Variants in MYH11 observed in about 807,000 individuals in gnomAD.
The protein encoded by MYH11 is myosin heavy chain 11.
Under a neutral mutation model 246.6 loss-of-function variants are expected in MYH11, and 80 were observed. The ratio of observed to expected loss-of-function variants is 0.32; its 90% CI spans 0.27 to 0.39. The LOEUF is 0.39. MYH11 is among the 10% of genes least tolerant of loss of function. The pLI is 1.00. For missense variants in MYH11, 2,158 were observed against 2,546.8 expected (o/e 0.85, Z 3.29); for synonymous variants, 1,071 against 1,015.5 (o/e 1.05, Z -1.04).
At chr16:15,781,152 C>T (rs554370877) in intron 6 of MYH11, among the ~76,000 whole-genome samples, 5 of 152,326 alleles carry the variant, frequency 3.3e-5, no homozygotes, top group South Asian at 2.1e-4. Flanking sequence ...GTGATCTGCC[C>T]GCCTCAGTCT....
At chr16:15,725,065 CA>C (rs1329422510) in intron 28 of MYH11, 73 bp from the exon 29 acceptor site, 7 of 1,255,846 alleles carry the variant, frequency 5.6e-6, no homozygotes, top group South Asian at 4.9e-5. Flanking sequence ...CCTTTTTACT[CA>C]AAACACATGG....
At chr16:15,820,030 G>A (rs1489382175) in intron 3 of MYH11, among the ~76,000 whole-genome samples, 1 of 152,092 alleles carries the variant, frequency 6.6e-6, no homozygotes, top group Non-Finnish European at 1.5e-5. Context: ...CAAAGTCAGT[G>A]GCCTTGGAAA....
chr16:15,740,097 T>C lies in MYH11; in HGVS notation c.2951A>G (p.Glu984Gly), dbSNP rs1474460863. ...VTAEAKIKKLEDEILVMDDQN... is the reference protein window; with the variant it reads ...VTAEAKIKKLGDEILVMDDQN... Reference sequence around the variant, plus strand: ...ATCATCCATGACCAGGATCTCATCCTCCAGTTTCTTGATCTTGGCCTCAGC... The same window carrying C: ...ATCATCCATGACCAGGATCTCATCCCCCAGTTTCTTGATCTTGGCCTCAGC... Residue 984 changes from glutamate to glycine, a missense_variant, in exon 23 of 41, where the codon GAG (glutamate) becomes GGG (glycine). Around this residue, in one of 11 missense-constraint regions of MYH11, gnomAD observed 284 missense variants for 315.4 expected, o/e 0.90. Coordinates refer to ENST00000300036, the MANE Select transcript of MYH11 (RefSeq NM_002474.3). The C allele has an allele frequency of 6.2e-7, 1 of 1,614,138 alleles. No homozygotes were observed. The highest frequency in any genetic ancestry group is 1.3e-5 in the African/African-American group (1 of 74,950).
intron 8 of MYH11, among the ~76,000 whole-genome samples, chr16:15,775,128 C>T (rs1392356107): frequency 6.6e-6 from 1 of 152,070 alleles, no homozygotes. Context: ...TGATCCATTC[C>T]TTTTTTAAGC....
At position 15,737,856 on chromosome 16, in the gene MYH11, A is replaced by T. The variant is rs1017628478; in HGVS notation, c.3122-236T>A. 8.5e-5 allele frequency among the ~76,000 whole-genome samples: 13 copies of T among 152,150 alleles called. No homozygotes were observed. In the South Asian group the frequency reaches 1.7e-3, roughly 19 times the overall value. On this transcript the variant is annotated intron_variant, in intron 24 of 40. Transcript: ENST00000300036. ...TGCCCAGGCTGGAGTGCAGTGGCGC[A>T]ATCTCAGCTCACTGCAACCTCCGCC... is the stretch of plus-strand genomic sequence containing the variant.
chr16:15,798,666 A>G lies in MYH11; in HGVS notation c.524T>C (p.Leu175Pro). The change falls in exon 4 of 41, where the codon CTA becomes CCA. Residue 175 changes from leucine (L) to proline (P), a missense_variant. Transcript: ENST00000300036. ...AAAAAGCAGTTCCACTTACGTGCAT[A>G]GAATGGACTGGTCCTCCCGATCTGC... is the stretch of plus-strand genomic sequence containing the variant. ...MLQDREDQSI[L>P]CTGESGAGKT... is the part of the protein sequence containing the mutation. The G allele has an allele frequency of 1.2e-6, 2 of 1,611,242 alleles. No individual in the cohort carries two copies. The highest frequency in any genetic ancestry group is 1.7e-6 in the Non-Finnish European group (2 of 1,179,402).
intron 3 of MYH11, among the ~76,000 whole-genome samples, chr16:15,809,284 C>G (rs149850306): frequency 4.9e-4 from 74 of 152,242 alleles, no homozygotes; most frequent in African/African-American, 1.7e-3. Flanking sequence ...GTAATTCCAG[C>G]ACTTTGGGAG....
intron 40 of MYH11, chr16:15,714,546 G>A: frequency 2.5e-6 from 1 of 402,354 alleles, no homozygotes; most frequent in Non-Finnish European, 4.6e-6. Context: ...AGGAGGTGAA[G>A]TGGCGGGGGG....
chr16:15,768,693 C>A (rs2384935), intron 9 of MYH11, among the ~76,000 whole-genome samples: 114,103 of 152,150 alleles, frequency 0.75, 43,291 homozygotes, highest in East Asian at 0.98. Flanking sequence ...TCTTCAGTGA[C>A]AAATCATCTT....
chr16:15,763,741 T>TCGCCCC, intron 10 of MYH11, 55 bp downstream of exon 10: 5 of 646,860 alleles, frequency 7.7e-6, no homozygotes, highest in African/African-American at 2.1e-5. Context: ...AAATGTCACC[T>TCGCCCC]CCCCCACCCC....
intron 28 of MYH11, chr16:15,726,410 G>C: frequency 6.1e-6 from 1 of 163,182 alleles, no homozygotes; most frequent in Non-Finnish European, 1.3e-5. Flanking sequence ...TGCCCTTTTA[G>C]CCCAGGCTGG....
At chr16:15,846,219 TA>T (rs2044186511) in intron 1 of MYH11, among the ~76,000 whole-genome samples, 1 of 152,096 alleles carries the variant, frequency 6.6e-6, no homozygotes, top group African/African-American at 2.4e-5. Flanking sequence ...ATCAATCCTG[TA>T]AGGCACCTGG....
At chr16:15,782,295 C>T (rs1445571703) in intron 6 of MYH11, 90 bp downstream of exon 6, 1 of 1,122,662 alleles carries the variant, frequency 8.9e-7, no homozygotes, top group African/African-American at 1.5e-5. Context: ...TCAGATGCCC[C>T]TCCCACCTCT....
rs60398959 is a variant in MYH11, at chr16:15,798,704, G to A, written c.503-17C>T. 1 of 1,607,666 alleles carries A rather than the reference G, an allele frequency of 6.2e-7. No individual in the cohort carries two copies. The highest frequency in any genetic ancestry group is 1.4e-5 in the African/African-American group (1 of 71,040). On this transcript the variant is annotated splice_polypyrimidine_tract_variant and intron_variant, in intron 3 of 40. Coordinates refer to ENST00000300036, the MANE Select transcript of MYH11 (RefSeq NM_002474.3). The stretch of plus-strand genomic sequence containing the variant: ...CCTCCCGATCTGCAAACAGAAAGAA[G>A]AAAAAAGAGCCATGAATTAAAATGA...
At chr16:15,724,137 T>C (rs755202817) in intron 31 of MYH11, 24 bp downstream of exon 31, 10 of 1,611,844 alleles carry the variant, frequency 6.2e-6, no homozygotes, top group African/African-American at 1.3e-5. Flanking sequence ...ATGGCCAGAG[T>C]GGGGGACACC....
In MYH11 at chr16:15,788,095, T is replaced by TTTTTTTA. The variant is rs11273419; in HGVS notation, c.531-1364_531-1363insTAAAAAA. 1.5e-3 allele frequency among the ~76,000 whole-genome samples: 151 copies of TTTTTTTA among 99,496 alleles called. 22 individuals are homozygous for TTTTTTTA. Among genetic ancestry groups the TTTTTTTA allele is most frequent in the Non-Finnish European group, 2.1e-3 (101 of 47,304 alleles). The allele number at this position is 99,496 out of a possible 152,430, so 65.3% of individuals were successfully genotyped here. ...GGTAGATCTTTTTTTTTTTTTTTTTTACCAAGATGGCTTTCGTGCACTAGC... is the reference window on the plus strand; with the variant it reads ...GGTAGATCTTTTTTTTTTTTTTTTTTTTTTTTAACCAAGATGGCTTTCGTGCACTAGC... On this transcript the variant is annotated intron_variant, in intron 4 of 40. Transcript: ENST00000300036.
At chr16:15,778,759 C>T in intron 7 of MYH11, 21 bp downstream of exon 7, 2 of 1,613,712 alleles carry the variant, frequency 1.2e-6, no homozygotes, top group Middle Eastern at 1.6e-4. Flanking sequence ...CCCATTTGGC[C>T]CAGGCTCAGG....
intron 3 of MYH11, among the ~76,000 whole-genome samples, chr16:15,814,649 G>A (rs1286540062): frequency 2.1e-5 from 3 of 141,492 alleles, no homozygotes; most frequent in African/African-American, 2.6e-5. Context: ...TTTCAACACC[G>A]AATTCCCCAT....
intron 1 of MYH11, among the ~76,000 whole-genome samples, chr16:15,851,576 C>A (rs2044330049): frequency 6.6e-6 from 1 of 152,076 alleles, no homozygotes; most frequent in South Asian, 2.1e-4. Context: ...CCCTTTCTTG[C>A]CCCTGACCCT....
Sources: gnomAD v4.1 joint callset for allele counts (sites outside exome capture counted in the v4.1 genomes callset) on GRCh38, gnomAD v4.1.1 for gene constraint, gnomAD v4.1.1 regional missense constraint, MANE v1.5 for transcripts, NCBI Gene and HGNC (gene_info 2026-07-23, HGNC 2026-07-21) for gene names.